TRPC4: variants seen among roughly 807,000 people sequenced by gnomAD.
TRPC4 encodes short transient receptor potential channel 4.
TRPC4 carries 49 observed loss-of-function variants against 99.4 expected under a neutral mutation model. The ratio of observed to expected loss-of-function variants is 0.49; its 90% confidence interval spans 0.39 to 0.63. TRPC4 has a LOEUF of 0.63. TRPC4 is among the 20% of genes least tolerant of loss of function. The pLI, the probability that TRPC4 is intolerant of heterozygous loss-of-function variation, is 0.00. For missense variants in TRPC4, 898 were observed against 1,152.9 expected (o/e 0.78, Z 3.20); for synonymous variants, 454 against 425.9 (o/e 1.07, Z -0.81).
rs1957151005 is a variant in TRPC4 at position 37,792,681 on chromosome 13, A to T, written c.-27-9321T>A. On this transcript the variant is annotated intron_variant, in intron 1 of 10. Transcript: ENST00000379705. ...AAATATGTTCAGTGTTTCCCACCAC[A>T]ATCAGATCCTGTGGCCCGTAACTGA... Among the ~76,000 whole-genome samples the T allele has an allele frequency of 2.0e-5, 3 of 151,802 alleles. No individual in the cohort carries two copies. The South Asian group carries it at 6.2e-4, about 32-fold the overall frequency.
intron 2 of TRPC4, among the ~76,000 whole-genome samples, chr13:37,759,314 T>C (rs1198566921): frequency 1.3e-5 from 2 of 151,808 alleles, no homozygotes; most frequent in Admixed American, 1.3e-4. Context: ...CAACAAAATT[T>C]TTTTTGTCTG....
intron 1 of TRPC4, among the ~76,000 whole-genome samples, chr13:37,784,746 T>A (rs913915230): frequency 6.6e-6 from 1 of 152,060 alleles, no homozygotes; most frequent in African/African-American, 2.4e-5. Flanking sequence ...AATATGATTA[T>A]ATTTAATAAT....
At chr13:37,860,908 A>T (rs551324699) in intron 1 of TRPC4, among the ~76,000 whole-genome samples, 39 of 151,626 alleles carry the variant, frequency 2.6e-4, no homozygotes, top group African/African-American at 9.1e-4. Flanking sequence ...CGGTTTACTT[A>T]TGTATCTATT....
At chr13:37,865,301 T>C (rs566371429) in intron 1 of TRPC4, among the ~76,000 whole-genome samples, 234 of 151,804 alleles carry the variant, frequency 1.5e-3, no homozygotes, top group African/African-American at 5.4e-3. Context: ...TAACATGGCC[T>C]AGCATGACCT....
intron 1 of TRPC4, among the ~76,000 whole-genome samples, chr13:37,792,251 G>A (rs150109473): frequency 1.3e-5 from 2 of 152,124 alleles, no homozygotes; most frequent in Non-Finnish European, 1.5e-5. Context: ...AATATTCATG[G>A]GAATTTAAAT....
At chr13:37,683,760 C>T (rs1198531816) in intron 4 of TRPC4, among the ~76,000 whole-genome samples, 1 of 152,166 alleles carries the variant, frequency 6.6e-6, no homozygotes, top group Non-Finnish European at 1.5e-5. Context: ...GAGCCTATAT[C>T]CCACCTTGAA....
In TRPC4 at chr13:37,759,560, TG is replaced by T. The variant is rs200657339; in HGVS notation, c.379-13106del. ...ATAAAAAATCTTATAAGCAATCCAA[TG>T]GATCAACAGTTATAAGCAGATATTT... On this transcript the variant is annotated intron_variant, in intron 2 of 10. Transcript: ENST00000379705. Among the ~76,000 whole-genome samples, 1,485 of 151,876 alleles carry T rather than the reference TG, an allele frequency of 9.8e-3. 12 individuals are homozygous for T. The highest frequency in any genetic ancestry group is 0.015 in the Non-Finnish European group (1,036 of 67,856).
chr13:37,740,749 A>C (rs570570018), intron 3 of TRPC4, among the ~76,000 whole-genome samples: 2 of 152,298 alleles, frequency 1.3e-5, no homozygotes, highest in Admixed American at 6.5e-5. Context: ...CAGAACCAAC[A>C]ATCTTGAGAT....
intron 4 of TRPC4, among the ~76,000 whole-genome samples, chr13:37,675,575 GCA>G (rs1356485938): frequency 2.0e-5 from 3 of 152,160 alleles, no homozygotes; most frequent in Non-Finnish European, 4.4e-5. Flanking sequence ...TGTGGGAGAG[GCA>G]CAGTGTCCTC....
chr13:37,847,527 G>C (rs1223918116), intron 1 of TRPC4, among the ~76,000 whole-genome samples: 1 of 152,018 alleles, frequency 6.6e-6, no homozygotes, highest in African/African-American at 2.4e-5. Context: ...TAAACCTATG[G>C]AATGGAGCAA....
chr13:37,860,031 C>T (rs183421747), intron 1 of TRPC4, among the ~76,000 whole-genome samples: 1 of 150,908 alleles, frequency 6.6e-6, no homozygotes, highest in Non-Finnish European at 1.5e-5. Flanking sequence ...GCTCATCAAA[C>T]ATATGGATAA....
chr13:37,751,450 T>C (rs1955931245), intron 2 of TRPC4, among the ~76,000 whole-genome samples: 1 of 151,928 alleles, frequency 6.6e-6, no homozygotes, highest in Non-Finnish European at 1.5e-5. Flanking sequence ...GACTGTATGG[T>C]TAACCAGCTA....
At chr13:37,851,537 A>G (rs1468803873) in intron 1 of TRPC4, among the ~76,000 whole-genome samples, 1 of 152,348 alleles carries the variant, frequency 6.6e-6, no homozygotes, top group East Asian at 1.9e-4. Context: ...GGAAATTTCA[A>G]TAACTGAAAT....
chr13:37,672,044 A>T (rs914250058), intron 5 of TRPC4, among the ~76,000 whole-genome samples: 1 of 152,170 alleles, frequency 6.6e-6, no homozygotes, highest in African/African-American at 2.4e-5. Flanking sequence ...AGTGAGTTTA[A>T]TTCTAAACAT....
chr13:37,775,159 C>T (rs1956662857), intron 2 of TRPC4, among the ~76,000 whole-genome samples: 1 of 151,636 alleles, frequency 6.6e-6, no homozygotes, highest in South Asian at 2.1e-4. Flanking sequence ...TATACTAGCA[C>T]TAAAACTTCA....
Position 37,639,043 on chromosome 13 carries a change from A to T in TRPC4, c.2208T>A (p.Phe736Leu), listed in dbSNP as rs889013339. 1 of 1,613,460 alleles carries T rather than the reference A, an allele frequency of 6.2e-7. No homozygotes were observed. Among genetic ancestry groups the T allele is most frequent in the Admixed American group, 1.7e-5 (1 of 59,982 alleles). ...KTEEGLTEEN[F>L]KELKQDISSF... is the part of the protein sequence containing the mutation. Reference sequence around the variant, plus strand: ...TGATGAAGATGAAAATGGTTACCTTAAAGTTCTCTTCGGTCAGGCCTTCTT... The same window carrying T: ...TGATGAAGATGAAAATGGTTACCTTTAAGTTCTCTTCGGTCAGGCCTTCTT... The change falls in exon 10 of 11, where the codon TTT becomes TTA. Residue 736 changes from phenylalanine (F) to leucine (L), a missense_variant. This residue lies in a region of TRPC4 where 346 missense variants were observed against 351.4 expected (regional missense o/e 0.98). Coordinates refer to ENST00000379705, the MANE Select transcript of TRPC4 (RefSeq NM_016179.4).
At chr13:37,649,759 AACAAC>A (rs1566067419) in intron 8 of TRPC4, among the ~76,000 whole-genome samples, 3 of 82,104 alleles carry the variant, frequency 3.7e-5, no homozygotes, top group Non-Finnish European at 8.3e-5. Context: ...AAAAAAAAAA[AACAAC>A]AACAAAGAAC....
chr13:37,648,706 G>T (rs1052011840), intron 8 of TRPC4, among the ~76,000 whole-genome samples: 3 of 152,170 alleles, frequency 2.0e-5, no homozygotes, highest in Non-Finnish European at 4.4e-5. Flanking sequence ...TTAACTCTGA[G>T]AATGAATCAC....
intron 2 of TRPC4, among the ~76,000 whole-genome samples, chr13:37,763,195 G>T (rs991804553): frequency 1.3e-5 from 2 of 151,552 alleles, no homozygotes; most frequent in African/African-American, 4.8e-5. Context: ...TGAACTGTCT[G>T]ACATTTCGAA....
Sources: gnomAD v4.1 joint callset for allele counts (sites outside exome capture counted in the v4.1 genomes callset) on GRCh38, gnomAD v4.1.1 for gene constraint, gnomAD v4.1.1 regional missense constraint, MANE v1.5 for transcripts, NCBI Gene and HGNC (gene_info 2026-07-23, HGNC 2026-07-21) for gene names.